The following RPL3 variants were observed in gnomAD, a reference collection of about 807,000 sequenced individuals.
The protein encoded by RPL3 is ribosomal protein L3.
Under a neutral mutation model 46.0 loss-of-function variants are expected in RPL3, and 3 were observed. The observed-to-expected ratio is 0.07, with a 90% CI of 0.03 to 0.17. RPL3 has a LOEUF of 0.17. Ranked by LOEUF, RPL3 falls within the 10% of genes least tolerant of loss-of-function variation. RPL3 has a pLI of 1.00. For missense variants in RPL3, 387 were observed against 532.7 expected (o/e 0.73, Z 2.69); for synonymous variants, 224 against 190.8 (o/e 1.17, Z -1.43).
At chr22:39,316,909 GCGGAA>G (rs1010972664) in intron 3 of RPL3, 68 bp from the exon 4 acceptor site, 1 of 1,607,286 alleles carries the variant, frequency 6.2e-7, no homozygotes, top group Non-Finnish European at 8.5e-7. Flanking sequence ...CGAGGGGTGA[GCGGAA>G]GGCACACTGG....
At chr22:39,315,340 A>C in intron 5 of RPL3, 29 bp downstream of exon 5, 1 of 1,614,016 alleles carries the variant, frequency 6.2e-7, no homozygotes, top group Non-Finnish European at 8.5e-7. Context: ...CCAGGTTTGC[A>C]CAGCAACTCA....
intron 1 of RPL3, chr22:39,319,067 A>G (rs754360325): frequency 3.7e-6 from 2 of 537,192 alleles, no homozygotes; most frequent in Non-Finnish European, 7.6e-6. Flanking sequence ...GAACGTGACA[A>G]TCAGCACACA....
intron 3 of RPL3, 147 bp downstream of exon 3, chr22:39,317,314 C>G (rs943838727): frequency 6.7e-6 from 6 of 899,334 alleles, no homozygotes; most frequent in Non-Finnish European, 9.9e-6. Flanking sequence ...CAAGTCTGAT[C>G]CCAGGTATTT....
chr22:39,317,509 A>C lies in RPL3; in HGVS notation c.317T>G (p.Phe106Cys), dbSNP rs1310975500. Residue 106 changes from phenylalanine (F) to cysteine (C), a missense_variant, in exon 3 of 10, where the codon TTT (phenylalanine) becomes TGT (cysteine). This residue lies in a region of RPL3 where 196 missense variants were observed against 217.5 expected (regional missense o/e 0.90). Coordinates refer to ENST00000216146, the MANE Select transcript of RPL3 (RefSeq NM_000967.4). ...PRGLRTFKTV[F>C]AEHISDECKR... is the part of the protein sequence containing the mutation. The stretch of plus-strand genomic sequence containing the variant: ...GCATTCATCACTGATGTGCTCAGCA[A>C]AGACAGTCTTGAAGGTCCGGAGGCC... 1 of 1,613,952 alleles carries C rather than the reference A, an allele frequency of 6.2e-7. No homozygotes were observed. Among genetic ancestry groups the C allele is most frequent in the East Asian group, 2.2e-5 (1 of 44,884 alleles).
intron 4 of RPL3, among the ~76,000 whole-genome samples, chr22:39,316,142 G>A (rs1569160785): frequency 6.6e-6 from 1 of 152,072 alleles, no homozygotes; most frequent in Non-Finnish European, 1.5e-5. Flanking sequence ...AGGAGGCTGA[G>A]GCAGGAGAAT....
intron 7 of RPL3, 32 bp downstream of exon 7, chr22:39,314,075 T>C (rs1322710851): frequency 4.5e-6 from 7 of 1,571,380 alleles, no homozygotes; most frequent in East Asian, 2.2e-5. Flanking sequence ...AGGCCTGGGA[T>C]GGCCTCACAG....
intron 1 of RPL3, chr22:39,318,994 C>A: frequency 1.9e-6 from 1 of 539,878 alleles, no homozygotes; most frequent in South Asian, 1.4e-5. Flanking sequence ...TAGGCTGCCT[C>A]CGGTGCCCGG....
Position 39,313,743 on chromosome 22 carries a change from A to C in RPL3, c.952-14T>G. On this transcript the variant is annotated splice_polypyrimidine_tract_variant and intron_variant, in intron 7 of 9. Coordinates refer to ENST00000216146, the MANE Select transcript of RPL3 (RefSeq NM_000967.4). The stretch of plus-strand genomic sequence containing the variant: ...GACAAAGCCACCCTGGAAAACGAGC[A>C]TCGGATCAGCACAGGCCCAGGAGGG... 6.2e-7 allele frequency: 1 copy of C among 1,612,562 alleles called. No homozygotes were observed.
At chr22:39,314,553 T>G in intron 6 of RPL3, 133 bp downstream of exon 6, 1 of 1,116,590 alleles carries the variant, frequency 9.0e-7, no homozygotes, top group Non-Finnish European at 1.3e-6. Context: ...GAACTGACCA[T>G]GAGAAGCAAG....
intron 1 of RPL3, among the ~76,000 whole-genome samples, chr22:39,318,836 T>C (rs1250431325): frequency 1.3e-5 from 2 of 152,236 alleles, no homozygotes; most frequent in Non-Finnish European, 2.9e-5. Context: ...CGACCCATTT[T>C]TTTTATCTAA....
At chr22:39,313,355 G>C (rs1922475387) in intron 8 of RPL3, 45 bp from the exon 9 acceptor site, 1 of 1,611,738 alleles carries the variant, frequency 6.2e-7, no homozygotes, top group African/African-American at 1.3e-5. Context: ...GAGGAGCCAG[G>C]CTTTCCTCAG....
intron 8 of RPL3, 111 bp from the exon 9 acceptor site, chr22:39,313,421 C>T (rs1230566484): frequency 1.8e-5 from 27 of 1,513,140 alleles, no homozygotes; most frequent in Non-Finnish European, 2.4e-5. Flanking sequence ...CAGCCTCCCC[C>T]ACCATCCGGC....
chr22:39,318,842 T>G (rs1285285452), intron 1 of RPL3, among the ~76,000 whole-genome samples: 1 of 152,166 alleles, frequency 6.6e-6, no homozygotes, highest in East Asian at 1.9e-4. Context: ...ATTTTTTTTA[T>G]CTAACCACAC....
intron 3 of RPL3, chr22:39,317,165 C>T (rs956441455): frequency 1.7e-6 from 1 of 578,086 alleles, no homozygotes. Context: ...GCCCTTGCCA[C>T]CCCTATAGGG....
At chr22:39,313,091 G>C in intron 9 of RPL3, 100 bp downstream of exon 9, 1 of 1,603,750 alleles carries the variant, frequency 6.2e-7, no homozygotes, top group Non-Finnish European at 8.5e-7. Context: ...CCACAAGAGA[G>C]GCCTAAGGCA....
chr22:39,317,117 G>C (rs1408011098), intron 3 of RPL3: 1 of 602,878 alleles, frequency 1.7e-6, no homozygotes, highest in African/African-American at 1.9e-5. Context: ...AGCCCACTCA[G>C]TGATGAAGGA....
chr22:39,317,601 A>T lies in RPL3; in HGVS notation c.225T>A (p.Ala75=). ...TGGGTGGTGTCTCTACAATGGTCAC[A>T]GCCTCCACCACCTCCTTCTTGTTCA... is the stretch of plus-strand genomic sequence containing the variant. ...SKVNKKEVVE[A]VTIVETPPMV... Residue 75 remains alanine (A), a synonymous_variant, in exon 3 of 10, where the codon GCT becomes GCA. Coordinates refer to ENST00000216146, the MANE Select transcript of RPL3 (RefSeq NM_000967.4). 2 of 1,613,920 alleles carry T rather than the reference A, an allele frequency of 1.2e-6. No individual in the cohort carries two copies. The highest frequency in any genetic ancestry group is 1.7e-6 in the Non-Finnish European group (2 of 1,179,840).
rs1026462069 is a variant in RPL3, at chr22:39,313,316, G to A, written c.1048-6C>T. On this transcript the variant is annotated splice_polypyrimidine_tract_variant and splice_region_variant and intron_variant, in intron 8 of 9. Coordinates refer to ENST00000216146, the MANE Select transcript of RPL3 (RefSeq NM_000967.4). Reference sequence around the variant, plus strand: ...TTCGTCTGCACCAGCAAGGACTATGGGCCAAGAGGGGAAGGGATTTAGGAT... The same window carrying A: ...TTCGTCTGCACCAGCAAGGACTATGAGCCAAGAGGGGAAGGGATTTAGGAT... 3.1e-6 allele frequency: 5 copies of A among 1,613,936 alleles called. No individual in the cohort carries two copies. The highest frequency in any genetic ancestry group is 3.4e-6 in the Non-Finnish European group (4 of 1,179,944).
At chr22:39,318,235 G>GT (rs1601631702) in intron 2 of RPL3, 165 bp downstream of exon 2, 1 of 664,198 alleles carries the variant, frequency 1.5e-6, no homozygotes. Flanking sequence ...TGGAATATTA[G>GT]TTTTCAAGTT....
Sources: gnomAD v4.1 joint callset for allele counts (sites outside exome capture counted in the v4.1 genomes callset) on GRCh38, gnomAD v4.1.1 for gene constraint, gnomAD v4.1.1 regional missense constraint, MANE v1.5 for transcripts, NCBI Gene and HGNC (gene_info 2026-07-23, HGNC 2026-07-21) for gene names.